The following CDS1 variants were observed in gnomAD, a reference collection of about 807,000 sequenced individuals.
CDS1 encodes the protein phosphatidate cytidylyltransferase 1.
In CDS1, 41 loss-of-function variants were observed where a neutral mutation model predicts 62.1. The observed-to-expected ratio is 0.66, with a 90% CI of 0.51 to 0.86. CDS1 has a LOEUF of 0.86. Among genes scored for constraint, CDS1 ranks in the 40% least tolerant of loss-of-function variants. CDS1 has a pLI of 0.00. For synonymous variants in CDS1, 185 were observed against 192.6 expected (o/e 0.96, Z 0.32); for missense variants, 470 against 550.1 (o/e 0.85, Z 1.46).
intron 1 of CDS1, among the ~76,000 whole-genome samples, chr4:84,587,419 A>G (rs1334375875): frequency 2.0e-5 from 3 of 152,164 alleles, no homozygotes; most frequent in Non-Finnish European, 4.4e-5. Flanking sequence ...TGTGTTAGGA[A>G]TATCCCCATT....
chr4:84,598,847 G>A lies in CDS1; in HGVS notation c.118-5396G>A, dbSNP rs1045310231. Among the ~76,000 whole-genome samples, 3 of 152,252 alleles carry A rather than the reference G, an allele frequency of 2.0e-5. No individual in the cohort carries two copies. The East Asian group carries it at 5.8e-4, about 29-fold the overall frequency. ...TCATATTTTGAAACCTGTGTACAGT[G>A]TGTAATGATGGAATCATCCTCTTGA... is the stretch of plus-strand genomic sequence containing the variant. On this transcript the variant is annotated intron_variant, in intron 1 of 12. Transcript: ENST00000295887.
intron 1 of CDS1, among the ~76,000 whole-genome samples, chr4:84,600,387 G>A (rs887914448): frequency 3.9e-5 from 6 of 151,982 alleles, no homozygotes; most frequent in African/African-American, 1.4e-4. Context: ...CATTTTTTTG[G>A]AGGATAATAA....
intron 5 of CDS1, among the ~76,000 whole-genome samples, chr4:84,621,429 G>A (rs1211297386): frequency 3.3e-5 from 5 of 152,086 alleles, no homozygotes; most frequent in Non-Finnish European, 7.4e-5. Flanking sequence ...AGCTCCTTCA[G>A]TTCCTAGGCC....
At chr4:84,595,291 A>G (rs896093589) in intron 1 of CDS1, among the ~76,000 whole-genome samples, 8 of 152,262 alleles carry the variant, frequency 5.3e-5, no homozygotes, top group South Asian at 2.1e-4. Flanking sequence ...CTCCTGTCCT[A>G]TCGTGGCTGG....
intron 10 of CDS1, among the ~76,000 whole-genome samples, chr4:84,641,917 A>G (rs1295392006): frequency 6.6e-6 from 1 of 152,238 alleles, no homozygotes; most frequent in Non-Finnish European, 1.5e-5. Flanking sequence ...TGCTCAGTAC[A>G]TGGTTTCCAA....
At chr4:84,645,078 C>A in intron 11 of CDS1, 144 bp from the exon 12 acceptor site, 1 of 634,436 alleles carries the variant, frequency 1.6e-6, no homozygotes, top group Non-Finnish European at 2.8e-6. Flanking sequence ...TGGATGTGTT[C>A]TAATAAGTTT....
intron 1 of CDS1, among the ~76,000 whole-genome samples, chr4:84,593,357 A>G (rs941359937): frequency 5.3e-5 from 8 of 152,196 alleles, no homozygotes; most frequent in African/African-American, 1.9e-4. Context: ...TAGGTTTACA[A>G]CATATGTTTG....
At chr4:84,591,057 A>C (rs1186241901) in intron 1 of CDS1, among the ~76,000 whole-genome samples, 1 of 152,214 alleles carries the variant, frequency 6.6e-6, no homozygotes. Flanking sequence ...CCTTTTTAAC[A>C]CAAACAATAT....
intron 3 of CDS1, among the ~76,000 whole-genome samples, chr4:84,615,470 C>G (rs569934963): frequency 6.6e-6 from 1 of 152,074 alleles, no homozygotes; most frequent in South Asian, 2.1e-4. Flanking sequence ...CTTCTTACCC[C>G]CACCTTTGTC....
At chr4:84,625,807 TA>T (rs1723839875) in intron 5 of CDS1, among the ~76,000 whole-genome samples, 1 of 151,750 alleles carries the variant, frequency 6.6e-6, no homozygotes, top group Admixed American at 6.6e-5. Flanking sequence ...GTTACTACTG[TA>T]ATCCACACTA....
At chr4:84,643,516 G>T (rs1022349784) in intron 11 of CDS1, among the ~76,000 whole-genome samples, 22 of 151,998 alleles carry the variant, frequency 1.4e-4, no homozygotes, top group African/African-American at 5.1e-4. Context: ...AGAACCTTTG[G>T]CTATGTAACT....
intron 1 of CDS1, among the ~76,000 whole-genome samples, chr4:84,595,272 A>G (rs1056046143): frequency 3.9e-5 from 6 of 152,140 alleles, no homozygotes; most frequent in African/African-American, 1.4e-4. Flanking sequence ...ATACTGAGGC[A>G]TGTCCAACCT....
At chr4:84,609,592 A>C in intron 3 of CDS1, 67 bp downstream of exon 3, 1 of 874,580 alleles carries the variant, frequency 1.1e-6, no homozygotes, top group South Asian at 1.5e-5. Flanking sequence ...GGATTGAAGT[A>C]ATTTGAGCAT....
chr4:84,605,083 A>T (rs1388819180), intron 2 of CDS1, among the ~76,000 whole-genome samples: 3 of 152,254 alleles, frequency 2.0e-5, no homozygotes, highest in Non-Finnish European at 4.4e-5. Flanking sequence ...TATAAAATTT[A>T]TAAAAGCAAA....
chr4:84,640,839 C>T lies in CDS1; in HGVS notation c.881C>T (p.Ala294Val), dbSNP rs752871415. Reference protein sequence around the residue: ...FFSTVVFGFIAAYVLSKYQYF... With the variant: ...FFSTVVFGFIVAYVLSKYQYF... ...GTTTTGTTTTGTTTTTAATATCAGG[C>T]TGCCTATGTGTTATCCAAATACCAG... Residue 294 changes from alanine to valine, a missense_variant and splice_region_variant, in exon 10 of 13, where the codon GCT (alanine) becomes GTT (valine). Around this residue, in one of 5 missense-constraint regions of CDS1, gnomAD observed 214 missense variants for 242.4 expected, o/e 0.88. Transcript: ENST00000295887. 23 of 1,551,314 alleles carry T rather than the reference C, an allele frequency of 1.5e-5. 1 individual carries two copies. The South Asian group carries it at 2.5e-4, about 17-fold the overall frequency.
chr4:84,635,574 TCTGCCTGC>T lies in CDS1; in HGVS notation c.810+270_810+277del, dbSNP rs1214957051. ...CTCAGGAAGGGCATGACTCCATCAG[TCTGCCTGC>T]CTGCCTGCCTGCCTGCCTGCCTGCC... On this transcript the variant is annotated intron_variant, in intron 8 of 12. Transcript: ENST00000295887. Among the ~76,000 whole-genome samples the T allele has an allele frequency of 3.5e-4, 36 of 102,026 alleles. 1 individual carries two copies. Among genetic ancestry groups the T allele is most frequent in the East Asian group, 6.8e-4 (2 of 2,940 alleles). The allele number at this position is 102,026 out of a possible 152,430, so 66.9% of individuals were successfully genotyped here. A position where few individuals can be genotyped will look rare whatever the true frequency, so the allele number is the denominator to read the frequency against.
chr4:84,620,043 A>G lies in CDS1; in HGVS notation c.580+510A>G, dbSNP rs1307566135. Among the ~76,000 whole-genome samples the G allele has an allele frequency of 4.0e-5, 6 of 148,196 alleles. No homozygotes were observed. In the East Asian group the frequency reaches 7.9e-4, roughly 19 times the overall value. ...TTATCTAAAAAAAAAAAAAAAAAAG[A>G]AAGAATCACTCCATATGTTTGAAAA... On this transcript the variant is annotated intron_variant, in intron 5 of 12. Transcript: ENST00000295887.
Position 84,643,705 on chromosome 4 carries a change from A to C in CDS1, c.1152+562A>C, listed in dbSNP as rs114825691. Among the ~76,000 whole-genome samples the C allele has an allele frequency of 3.5e-3, 535 of 152,322 alleles. 2 individuals are homozygous for C. The highest frequency in any genetic ancestry group is 0.012 in the African/African-American group (497 of 41,564). The stretch of plus-strand genomic sequence containing the variant: ...GAATGGGCATGGCTGGATTTAATAA[A>C]ACTTTATTTATAAAAATAGGTTGTG... On this transcript the variant is annotated intron_variant, in intron 11 of 12. Transcript: ENST00000295887.
At chr4:84,632,878 C>A (rs1434239957) in intron 6 of CDS1, among the ~76,000 whole-genome samples, 2 of 152,232 alleles carry the variant, frequency 1.3e-5, no homozygotes, top group Non-Finnish European at 2.9e-5. Flanking sequence ...AATCGCAACA[C>A]TTTGGGAGGC....
Sources: allele counts gnomAD v4.1 joint callset (sites outside exome capture counted in the v4.1 genomes callset), GRCh38; gene constraint gnomAD v4.1.1; regional missense constraint gnomAD v4.1.1; transcripts MANE v1.5; gene names NCBI Gene and HGNC (gene_info 2026-07-23, HGNC 2026-07-21).